The following NR2C2 variants were observed in gnomAD, a reference collection of about 807,000 sequenced individuals.
The protein encoded by NR2C2 is nuclear receptor subfamily 2 group C member 2.
Under a neutral mutation model 62.9 loss-of-function variants are expected in NR2C2, and 6 were observed. The observed-to-expected ratio is 0.10, with a 90% CI of 0.05 to 0.19. The LOEUF (loss-of-function observed/expected upper bound fraction) is 0.19, where lower values mean the gene tolerates loss of function less well. Ranked by LOEUF, NR2C2 falls within the 10% of genes least tolerant of loss-of-function variation. The pLI, the probability that NR2C2 is intolerant of heterozygous loss-of-function variation, is 1.00. For missense variants in NR2C2, 479 were observed against 762.7 expected, an observed-to-expected ratio of 0.63 and a Z score of 4.38; for synonymous variants, 272 against 273.8, an observed-to-expected ratio of 0.99 and a Z score of 0.07.
At chr3:15,011,408 A>G (rs1392781755) in intron 2 of NR2C2, among the ~76,000 whole-genome samples, 1 of 152,232 alleles carries the variant, frequency 6.6e-6, no homozygotes, top group African/African-American at 2.4e-5. Flanking sequence ...TCCAAAGGCC[A>G]TCTTCTTTAT....
intron 11 of NR2C2, among the ~76,000 whole-genome samples, chr3:15,037,278 T>TA (rs2042132732): frequency 6.6e-6 from 1 of 151,942 alleles, no homozygotes; most frequent in Non-Finnish European, 1.5e-5. Context: ...ATGATGTTGC[T>TA]CAAGCTGGTC....
intron 1 of NR2C2, among the ~76,000 whole-genome samples, chr3:14,965,562 C>G (rs905798611): frequency 7.8e-5 from 11 of 140,290 alleles, no homozygotes; most frequent in African/African-American, 2.8e-4. Flanking sequence ...TTTAGAGACT[C>G]AAAATAATGA....
intron 13 of NR2C2, among the ~76,000 whole-genome samples, chr3:15,041,426 G>A (rs1033211990): frequency 1.1e-4 from 16 of 152,178 alleles, no homozygotes; most frequent in African/African-American, 3.6e-4. Context: ...GTGGCTGAGT[G>A]AATGGATGCT....
intron 1 of NR2C2, among the ~76,000 whole-genome samples, chr3:14,984,137 C>G (rs554526700): frequency 6.6e-6 from 1 of 152,312 alleles, no homozygotes; most frequent in African/African-American, 2.4e-5. Flanking sequence ...ATCCACCTGC[C>G]TCAGCCTCCC....
At chr3:15,018,198 C>A (rs780613595) in intron 4 of NR2C2, among the ~76,000 whole-genome samples, 6 of 152,118 alleles carry the variant, frequency 3.9e-5, no homozygotes, top group Admixed American at 6.6e-5. Context: ...TGGGTTTCAC[C>A]ATATTGGCCA....
intron 1 of NR2C2, among the ~76,000 whole-genome samples, chr3:14,987,032 A>G (rs768787791): frequency 2.0e-5 from 3 of 152,188 alleles, no homozygotes; most frequent in African/African-American, 4.8e-5. Context: ...TCATTTTACC[A>G]AGAAAAAAAG....
At position 15,045,090 on chromosome 3, in the gene NR2C2, A is replaced by G. The variant is rs1217504221; in HGVS notation, c.*2082A>G. 3 of 152,224 alleles carry G rather than the reference A, an allele frequency of 2.0e-5. No homozygotes were observed. The highest frequency in any genetic ancestry group is 7.2e-5 in the African/African-American group (3 of 41,450). 9.4% of individuals were successfully genotyped at this position (152,224 alleles called of 1,614,324 possible). On this transcript the variant is annotated 3_prime_UTR_variant, in exon 14 of 14. Coordinates refer to ENST00000425241, the MANE Select transcript of NR2C2 (RefSeq NM_001291694.2). ...AAATTAAGACAAAAAACCAGCTGAG[A>G]CAATGGAATTAGGGCAGGTTTGTTT... is the stretch of plus-strand genomic sequence containing the variant.
chr3:15,025,041 G>A (rs2041785623), intron 7 of NR2C2, among the ~76,000 whole-genome samples: 1 of 152,226 alleles, frequency 6.6e-6, no homozygotes, highest in African/African-American at 2.4e-5. Context: ...TCCTCAGGCT[G>A]GGCCTTGCAC....
At chr3:14,985,102 A>G (rs1559546058) in intron 1 of NR2C2, among the ~76,000 whole-genome samples, 1 of 152,050 alleles carries the variant, frequency 6.6e-6, no homozygotes, top group Admixed American at 6.5e-5. Flanking sequence ...TGTTTTATCA[A>G]ATCTTTTGCC....
intron 1 of NR2C2, among the ~76,000 whole-genome samples, chr3:14,950,338 T>C (rs2039315390): frequency 6.6e-6 from 1 of 152,184 alleles, no homozygotes. Context: ...TTTACAGAAC[T>C]CTCTTACAGG....
chr3:14,969,007 G>T, intron 1 of NR2C2, among the ~76,000 whole-genome samples: 1 of 118,144 alleles, frequency 8.5e-6, no homozygotes, highest in Admixed American at 9.4e-5. Flanking sequence ...GAGGGGGGAG[G>T]GATAGCATTG....
At chr3:15,023,102 G>C (rs1310593162) in intron 5 of NR2C2, 98 bp from the exon 6 acceptor site, 11 of 1,354,354 alleles carry the variant, frequency 8.1e-6, no homozygotes, top group African/African-American at 1.4e-5. Flanking sequence ...TAGCACCAGA[G>C]TCATCCTCCC....
At chr3:14,981,701 G>A (rs759129847) in intron 1 of NR2C2, among the ~76,000 whole-genome samples, 5 of 151,784 alleles carry the variant, frequency 3.3e-5, no homozygotes, top group African/African-American at 9.7e-5. Flanking sequence ...AAGTCAGTCC[G>A]AGTCCCAAGT....
chr3:14,971,810 CTTT>C (rs533448715), intron 1 of NR2C2, among the ~76,000 whole-genome samples: 4 of 135,446 alleles, frequency 3.0e-5, no homozygotes, highest in Non-Finnish European at 1.6e-5. Flanking sequence ...TTTCTTTTTT[CTTT>C]TTTTTTTTTT....
chr3:14,965,987 G>A (rs917498211), intron 1 of NR2C2, among the ~76,000 whole-genome samples: 5 of 152,084 alleles, frequency 3.3e-5, no homozygotes, highest in Non-Finnish European at 7.4e-5. Context: ...TTATTTTGAG[G>A]AATAAGTATG....
At chr3:14,987,169 A>G (rs1228053913) in intron 1 of NR2C2, among the ~76,000 whole-genome samples, 3 of 152,182 alleles carry the variant, frequency 2.0e-5, no homozygotes, top group Non-Finnish European at 4.4e-5. Context: ...TGCAATTTCA[A>G]TCTCCTGGGC....
chr3:15,035,267 G>A (rs2042076742), intron 11 of NR2C2, among the ~76,000 whole-genome samples: 1 of 152,172 alleles, frequency 6.6e-6, no homozygotes, highest in African/African-American at 2.4e-5. Context: ...CTCCATCCTG[G>A]GTAATAGAGC....
intron 1 of NR2C2, among the ~76,000 whole-genome samples, chr3:14,987,786 G>C (rs191185860): frequency 5.3e-5 from 8 of 152,286 alleles, no homozygotes; most frequent in South Asian, 2.1e-4. Context: ...ATCAAGATAC[G>C]TTTATTGAAT....
chr3:15,025,865 C>G (rs1172397494), intron 7 of NR2C2: 1 of 152,244 alleles, frequency 6.6e-6, no homozygotes, highest in South Asian at 2.1e-4. Flanking sequence ...GAGGATCTTA[C>G]AGTAGCTGCA....
Sources: allele counts gnomAD v4.1 joint callset (sites outside exome capture counted in the v4.1 genomes callset), GRCh38; gene constraint gnomAD v4.1.1; transcripts MANE v1.5; gene names NCBI Gene and HGNC (gene_info 2026-07-23, HGNC 2026-07-21).